Variants in SMARCAD1 observed in about 807,000 individuals in gnomAD.
The protein encoded by SMARCAD1 is SWI/SNF-related matrix-associated actin-dependent regulator of chromatin subfamily A containing DEAD/H box 1.
Under a neutral mutation model 127.1 loss-of-function variants are expected in SMARCAD1, and 25 were observed. The ratio of observed to expected loss-of-function variants is 0.20; its 90% CI spans 0.14 to 0.27. The LOEUF is 0.27. Ranked by LOEUF, SMARCAD1 falls within the 10% of genes least tolerant of loss-of-function variation. SMARCAD1 has a pLI of 1.00. For missense variants in SMARCAD1, 807 were observed against 1,206.0 expected (o/e 0.67, Z 4.90); for synonymous variants, 400 against 396.9 (o/e 1.01, Z -0.09).
intron 3 of SMARCAD1, among the ~76,000 whole-genome samples, chr4:94,229,019 T>TTA (rs1480391887): frequency 6.6e-6 from 1 of 152,148 alleles, no homozygotes; most frequent in African/African-American, 2.4e-5. Flanking sequence ...GTCCTCAGTG[T>TTA]GTCATATCAC....
chr4:94,224,101 A>G (rs1418079216), intron 2 of SMARCAD1, among the ~76,000 whole-genome samples: 2 of 152,184 alleles, frequency 1.3e-5, no homozygotes, highest in African/African-American at 4.8e-5. Context: ...TACTTTGTGT[A>G]TGATGATAAT....
chr4:94,235,975 C>A (rs1746591058), intron 4 of SMARCAD1, among the ~76,000 whole-genome samples: 1 of 152,098 alleles, frequency 6.6e-6, no homozygotes, highest in African/African-American at 2.4e-5. Context: ...GAAGTAATCT[C>A]TATTTCAAGT....
intron 22 of SMARCAD1, among the ~76,000 whole-genome samples, chr4:94,284,200 G>A (rs1198345024): frequency 6.6e-5 from 10 of 150,932 alleles, no homozygotes; most frequent in Admixed American, 2.6e-4. Flanking sequence ...GGTGGCAGGC[G>A]CCTGTAGTCC....
chr4:94,242,595 A>T (rs908720724), intron 6 of SMARCAD1, among the ~76,000 whole-genome samples: 1 of 152,030 alleles, frequency 6.6e-6, no homozygotes, highest in African/African-American at 2.4e-5. Flanking sequence ...AAATTATGCA[A>T]ATCCTTTGTA....
chr4:94,273,385 C>G (rs549760640), intron 11 of SMARCAD1, among the ~76,000 whole-genome samples: 2 of 152,258 alleles, frequency 1.3e-5, no homozygotes, highest in South Asian at 2.1e-4. Context: ...TGTATATGAA[C>G]TAGCAATGAA....
intron 23 of SMARCAD1, among the ~76,000 whole-genome samples, chr4:94,288,824 C>G (rs569161288): frequency 2.1e-4 from 32 of 152,210 alleles, no homozygotes; most frequent in African/African-American, 6.7e-4. Context: ...ATTCTCAGTG[C>G]TAAATTGAAT....
At chr4:94,260,227 G>C (rs1750759192) in intron 9 of SMARCAD1, among the ~76,000 whole-genome samples, 1 of 152,180 alleles carries the variant, frequency 6.6e-6, no homozygotes, top group South Asian at 2.1e-4. Context: ...TTAGTGATGT[G>C]TTCTTTCATC....
rs769433566 is a variant in SMARCAD1 at position 94,236,981 on chromosome 4, A to G, written c.567A>G (p.Gly189=). Residue 189 remains glycine, a synonymous_variant, in exon 5 of 24, where the codon GGA becomes GGG. Transcript: ENST00000354268. Reference sequence around the variant, plus strand: ...TTGAATCAACAAGCACTATGGATGGAGCAATTGCTGCTGCCTTGCTGATGT... The same window carrying G: ...TTGAATCAACAAGCACTATGGATGGGGCAATTGCTGCTGCCTTGCTGATGT... ...KLIESTSTMD[G]AIAAALLMFG... 1 of 1,613,470 alleles carries G rather than the reference A, an allele frequency of 6.2e-7. No individual in the cohort carries two copies. Among genetic ancestry groups the G allele is most frequent in the Non-Finnish European group, 8.5e-7 (1 of 1,179,676 alleles).
intron 4 of SMARCAD1, among the ~76,000 whole-genome samples, chr4:94,235,297 T>C (rs1247486050): frequency 6.8e-6 from 1 of 146,334 alleles, no homozygotes; most frequent in African/African-American, 2.5e-5. Context: ...GATTCAGATA[T>C]GTGATATTTT....
intron 23 of SMARCAD1, among the ~76,000 whole-genome samples, chr4:94,287,689 C>G (rs1297059105): frequency 1.3e-5 from 2 of 152,032 alleles, no homozygotes; most frequent in African/African-American, 4.8e-5. Context: ...ATCAGAGAAC[C>G]ACTGCTTTAA....
intron 12 of SMARCAD1, 36 bp downstream of exon 12, chr4:94,273,752 T>C (rs764836005): frequency 3.9e-6 from 6 of 1,519,256 alleles, no homozygotes; most frequent in South Asian, 2.3e-5. Context: ...TTTAACTTTA[T>C]CATGTTTTAT....
chr4:94,252,169 G>A (rs2125916456), intron 8 of SMARCAD1, among the ~76,000 whole-genome samples: 1 of 152,292 alleles, frequency 6.6e-6, no homozygotes, highest in East Asian at 1.9e-4. Flanking sequence ...AATTTTTTAA[G>A]TAACGATGCA....
intron 1 of SMARCAD1, 128 bp from the exon 2 acceptor site, chr4:94,208,218 C>T (rs1357974017): frequency 6.7e-6 from 5 of 741,604 alleles, no homozygotes; most frequent in African/African-American, 5.1e-5. Flanking sequence ...CAATGAAGCG[C>T]AGCCATAACA....
chr4:94,247,664 C>T (rs1302768475), intron 6 of SMARCAD1, among the ~76,000 whole-genome samples: 1 of 152,158 alleles, frequency 6.6e-6, no homozygotes, highest in African/African-American at 2.4e-5. Flanking sequence ...ATGCTATACC[C>T]ATTAAGCAGT....
At chr4:94,214,260 C>CT (rs1243551475) in intron 2 of SMARCAD1, among the ~76,000 whole-genome samples, 8 of 123,420 alleles carry the variant, frequency 6.5e-5, no homozygotes, top group African/African-American at 1.4e-4. Context: ...ATTGAGCGTT[C>CT]TTTTGTTTTT....
At chr4:94,243,425 A>G (rs1329146741) in intron 6 of SMARCAD1, among the ~76,000 whole-genome samples, 12 of 152,120 alleles carry the variant, frequency 7.9e-5, no homozygotes, top group East Asian at 1.9e-4. Flanking sequence ...GCTGCTGCCA[A>G]TGCTCCGTTT....
At chr4:94,221,499 A>G (rs1744124552) in intron 2 of SMARCAD1, among the ~76,000 whole-genome samples, 1 of 152,238 alleles carries the variant, frequency 6.6e-6, no homozygotes, top group South Asian at 2.1e-4. Flanking sequence ...CCTTTCTCCA[A>G]CTACATAACT....
intron 2 of SMARCAD1, among the ~76,000 whole-genome samples, chr4:94,217,138 G>A (rs1743320304): frequency 6.6e-6 from 1 of 152,080 alleles, no homozygotes; most frequent in Non-Finnish European, 1.5e-5. Context: ...ACATGAGTTT[G>A]TATCTCACTT....
chr4:94,285,967 G>A (rs1754878182), intron 23 of SMARCAD1, among the ~76,000 whole-genome samples: 1 of 152,182 alleles, frequency 6.6e-6, no homozygotes. Flanking sequence ...TGGTAGGGCA[G>A]CTTTTAGAAT....
Sources: gnomAD v4.1 joint callset for allele counts (sites outside exome capture counted in the v4.1 genomes callset) on GRCh38, gnomAD v4.1.1 for gene constraint, MANE v1.5 for transcripts, NCBI Gene and HGNC (gene_info 2026-07-23, HGNC 2026-07-21) for gene names.